Variants in LRRC4C observed in about 807,000 individuals in gnomAD.
LRRC4C encodes leucine-rich repeat-containing protein 4C.
A neutral mutation model predicts 33.6 loss-of-function variants in LRRC4C; 5 were observed. That is an observed-to-expected ratio of 0.15 (90% confidence interval 0.08 to 0.31). LRRC4C has a LOEUF of 0.31. Among genes scored for constraint, LRRC4C ranks in the 10% least tolerant of loss-of-function variants. The probability of loss-of-function intolerance (pLI) is 1.00; values close to 1 mark genes in which losing one functional copy is unlikely to be tolerated. For synonymous variants in LRRC4C, 329 were observed against 302.0 expected (o/e 1.09, Z -0.93); for missense variants, 560 against 796.7 (o/e 0.70, Z 3.58).
intron 1 of LRRC4C, among the ~76,000 whole-genome samples, chr11:41,405,273 A>G (rs1487995711): frequency 6.6e-6 from 1 of 152,172 alleles, no homozygotes; most frequent in Admixed American, 6.5e-5. Flanking sequence ...TACACATGGT[A>G]TATTTACAAA....
chr11:40,953,113 T>C (rs1413184800), intron 1 of LRRC4C, among the ~76,000 whole-genome samples: 2 of 151,984 alleles, frequency 1.3e-5, no homozygotes, highest in African/African-American at 2.4e-5. Flanking sequence ...TAACGTCTAA[T>C]GATTTTTGTT....
intron 2 of LRRC4C, among the ~76,000 whole-genome samples, chr11:40,902,237 T>C (rs915305327): frequency 9.9e-5 from 15 of 152,096 alleles, no homozygotes; most frequent in Admixed American, 6.6e-5. Flanking sequence ...TTATATCTGT[T>C]ATGGTGCTCG....
At chr11:40,582,580 A>G (rs1958519813) in intron 3 of LRRC4C, among the ~76,000 whole-genome samples, 1 of 145,324 alleles carries the variant, frequency 6.9e-6, no homozygotes, top group Non-Finnish European at 1.5e-5. Flanking sequence ...GCAGTGGTTC[A>G]ATCTTGGCTC....
chr11:41,186,668 T>C (rs1320772847), intron 1 of LRRC4C, among the ~76,000 whole-genome samples: 4 of 152,280 alleles, frequency 2.6e-5, no homozygotes, highest in African/African-American at 9.6e-5. Context: ...TACTACTTAG[T>C]AATCTGTATT....
intron 3 of LRRC4C, among the ~76,000 whole-genome samples, chr11:40,447,632 T>C (rs962047153): frequency 1.3e-5 from 2 of 152,122 alleles, no homozygotes; most frequent in Non-Finnish European, 2.9e-5. Context: ...GAAAATTATG[T>C]TGTTGAAAAG....
chr11:41,421,635 C>T (rs943544634), intron 1 of LRRC4C, among the ~76,000 whole-genome samples: 1 of 151,864 alleles, frequency 6.6e-6, no homozygotes, highest in Non-Finnish European at 1.5e-5. Context: ...AAGAAAAATG[C>T]CTCTTTTCTT....
chr11:40,958,724 TA>T (rs1210479203), intron 1 of LRRC4C, among the ~76,000 whole-genome samples: 3 of 151,814 alleles, frequency 2.0e-5, no homozygotes, highest in African/African-American at 7.2e-5. Flanking sequence ...GCATTTAGTC[TA>T]ATTCTTTTAA....
chr11:41,139,435 G>T (rs1394585236), intron 1 of LRRC4C, among the ~76,000 whole-genome samples: 1 of 152,176 alleles, frequency 6.6e-6, no homozygotes, highest in Non-Finnish European at 1.5e-5. Flanking sequence ...TTGGCTATGA[G>T]CAAAATGGAA....
intron 1 of LRRC4C, among the ~76,000 whole-genome samples, chr11:40,996,630 G>A (rs920018878): frequency 2.9e-4 from 44 of 152,116 alleles, no homozygotes; most frequent in African/African-American, 1.0e-3. Flanking sequence ...AATTTATAAA[G>A]GAAAGAGGTT....
chr11:40,414,715 A>G (rs1236723474), intron 3 of LRRC4C, among the ~76,000 whole-genome samples: 1 of 152,118 alleles, frequency 6.6e-6, no homozygotes, highest in Non-Finnish European at 1.5e-5. Flanking sequence ...ATTCATGTGA[A>G]ACTCTATTAT....
chr11:40,150,885 TAGAG>T (rs1858147850), intron 5 of LRRC4C, among the ~76,000 whole-genome samples: 1 of 151,964 alleles, frequency 6.6e-6, no homozygotes, highest in Non-Finnish European at 1.5e-5. Flanking sequence ...GTTATGGAGG[TAGAG>T]AGAGTTAAGA....
chr11:40,309,832 A>G lies in LRRC4C; in HGVS notation c.-176+9796T>C, dbSNP rs79214299. On this transcript the variant is annotated intron_variant, in intron 4 of 6. Transcript: ENST00000528697. ...AAAAGTATGATCTTAATGGCTGCTC[A>G]GGCCCCCAGAAGCAGGAAGAAGATA... 6.9e-3 allele frequency among the ~76,000 whole-genome samples: 1,049 copies of G among 152,264 alleles called. 12 individuals carry two copies. The highest frequency in any genetic ancestry group is 0.024 in the African/African-American group (985 of 41,552).
chr11:40,896,354 T>C (rs531500860), intron 2 of LRRC4C, among the ~76,000 whole-genome samples: 31 of 152,312 alleles, frequency 2.0e-4, no homozygotes, highest in Middle Eastern at 6.8e-3. Context: ...CCTTGAAATA[T>C]ATCATTTCCA....
chr11:40,742,809 C>G (rs1048201775), intron 2 of LRRC4C, among the ~76,000 whole-genome samples: 1 of 151,926 alleles, frequency 6.6e-6, no homozygotes, highest in Non-Finnish European at 1.5e-5. Context: ...TTTTGAGCCT[C>G]TTTGTAATGA....
intron 3 of LRRC4C, among the ~76,000 whole-genome samples, chr11:40,481,827 C>G (rs1331429020): frequency 6.6e-6 from 1 of 151,950 alleles, no homozygotes; most frequent in Admixed American, 6.6e-5. Context: ...TCAGATAAGC[C>G]ATAAATATGA....
intron 2 of LRRC4C, among the ~76,000 whole-genome samples, chr11:40,791,896 T>A (rs1950635823): frequency 6.6e-6 from 1 of 152,128 alleles, no homozygotes; most frequent in African/African-American, 2.4e-5. Flanking sequence ...GATAAGGCTA[T>A]GCAAACCCAT....
At chr11:41,046,774 G>A (rs1289523459) in intron 1 of LRRC4C, among the ~76,000 whole-genome samples, 2 of 152,094 alleles carry the variant, frequency 1.3e-5, no homozygotes, top group South Asian at 2.1e-4. Flanking sequence ...GTTTCACGGT[G>A]AAAAATGGCT....
intron 3 of LRRC4C, among the ~76,000 whole-genome samples, chr11:40,348,402 A>G (rs1013299661): frequency 1.3e-5 from 2 of 152,182 alleles, no homozygotes; most frequent in African/African-American, 4.8e-5. Context: ...TAGTATATTT[A>G]CTTTTCCAGA....
intron 1 of LRRC4C, among the ~76,000 whole-genome samples, chr11:41,289,987 C>T (rs2136998620): frequency 6.6e-6 from 1 of 152,328 alleles, no homozygotes; most frequent in African/African-American, 2.4e-5. Flanking sequence ...TGTTTCATGA[C>T]AGGGAGTCAT....
Sources: gnomAD v4.1 joint callset for allele counts (sites outside exome capture counted in the v4.1 genomes callset) on GRCh38, gnomAD v4.1.1 for gene constraint, MANE v1.5 for transcripts, NCBI Gene and HGNC (gene_info 2026-07-23, HGNC 2026-07-21) for gene names.